Variants in DEPDC5 observed in about 807,000 individuals in gnomAD.
DEPDC5 encodes the protein GATOR1 complex protein DEPDC5.
A neutral mutation model predicts 217.3 loss-of-function variants in DEPDC5; 73 were observed. The ratio of observed to expected loss-of-function variants is 0.34; its 90% CI spans 0.28 to 0.41. DEPDC5 has a LOEUF of 0.41. DEPDC5 is among the 10% of genes least tolerant of loss of function. The pLI is 1.00. For missense variants in DEPDC5, 1,675 were observed against 2,070.1 expected (o/e 0.81, Z 3.70); for synonymous variants, 733 against 756.7 (o/e 0.97, Z 0.51).
At chr22:31,835,659 CT>C (rs1452502932) in intron 25 of DEPDC5, among the ~76,000 whole-genome samples, 1 of 152,190 alleles carries the variant, frequency 6.6e-6, no homozygotes, top group Non-Finnish European at 1.5e-5. Context: ...TCCTCATCTT[CT>C]GTTTTAGCCA....
intron 31 of DEPDC5, among the ~76,000 whole-genome samples, chr22:31,847,548 CAAA>C (rs2091811788): frequency 6.6e-6 from 1 of 152,126 alleles, no homozygotes. Context: ...ATGGCAGCAG[CAAA>C]AAGTGCAGAG....
intron 14 of DEPDC5, among the ~76,000 whole-genome samples, chr22:31,798,875 A>G (rs1408896255): frequency 6.6e-6 from 1 of 152,186 alleles, no homozygotes; most frequent in African/African-American, 2.4e-5. Flanking sequence ...TCCCGAAAGC[A>G]AGAGGAGGAA....
At chr22:31,808,673 T>G (rs1602035875) in intron 18 of DEPDC5, among the ~76,000 whole-genome samples, 1 of 151,734 alleles carries the variant, frequency 6.6e-6, no homozygotes, top group East Asian at 1.9e-4. Context: ...TGACCTCAGG[T>G]GATCCATCTT....
intron 2 of DEPDC5, 55 bp from the exon 3 acceptor site, chr22:31,758,491 A>G (rs2082118244): frequency 2.0e-6 from 3 of 1,511,040 alleles, no homozygotes; most frequent in Admixed American, 1.7e-5. Flanking sequence ...GTATGAGAAC[A>G]TACAGTGTAC....
At chr22:31,760,867 A>G (rs1234408898) in intron 4 of DEPDC5, among the ~76,000 whole-genome samples, 165 bp downstream of exon 4, 7 of 152,126 alleles carry the variant, frequency 4.6e-5, no homozygotes, top group African/African-American at 1.2e-4. Context: ...TGTTTGTTAC[A>G]TGGGTATATT....
rs763484031 is a variant in DEPDC5, at chr22:31,821,579, G to T, written c.1948G>T (p.Asp650Tyr). 6.2e-7 allele frequency: 1 copy of T among 1,614,234 alleles called. No homozygotes were observed. Among genetic ancestry groups the T allele is most frequent in the Non-Finnish European group, 8.5e-7 (1 of 1,180,032 alleles). ...GGAGCTACAAGGCAGCGGGCAGAGG[G>T]ATCCAACTCACTCCTCTGCAGAGCT... ...MAELQGSGQR[D>Y]PTHSSAELLE... Residue 650 changes from aspartate to tyrosine, a missense_variant, in exon 23 of 43, where the codon GAT (aspartate) becomes TAT (tyrosine). This residue lies in a region of DEPDC5 where 136 missense variants were observed against 132.2 expected (regional missense o/e 1.03). Coordinates refer to ENST00000651528, the MANE Select transcript of DEPDC5 (RefSeq NM_001242896.3).
chr22:31,854,971 T>C (rs1295055865), intron 31 of DEPDC5, among the ~76,000 whole-genome samples: 15 of 151,884 alleles, frequency 9.9e-5, no homozygotes, highest in East Asian at 1.9e-4. Flanking sequence ...TTTTTTTTTT[T>C]TTTCTTTTTT....
chr22:31,797,060 CTTT>C (rs113613358), intron 12 of DEPDC5, among the ~76,000 whole-genome samples: 1 of 129,172 alleles, frequency 7.7e-6, no homozygotes, highest in Non-Finnish European at 1.7e-5. Context: ...CTCACTGAAT[CTTT>C]TTTTTTTTTG....
At chr22:31,807,661 A>C (rs1223915518) in intron 18 of DEPDC5, among the ~76,000 whole-genome samples, 1 of 152,098 alleles carries the variant, frequency 6.6e-6, no homozygotes, top group Non-Finnish European at 1.5e-5. Flanking sequence ...CAAACTCTTG[A>C]TTTCAAGTGA....
rs2091062102 is a variant in DEPDC5, at chr22:31,837,107, A to T, written c.2306A>T (p.Asp769Val). The part of the protein sequence containing the change: ...YFPDRQGLQN[D>V]YTEGCYDLLP... ...CCTGACCGCCAGGGCCTGCAGAATG[A>T]CTACACAGAGGGCTGTTATGATCTC... The change falls in exon 26 of 43, where the codon GAC becomes GTC. Residue 769 changes from aspartate to valine, a missense_variant. Asp to Val is a radical substitution (Grantham distance 152, BLOSUM62 -3). Coordinates refer to ENST00000651528, the MANE Select transcript of DEPDC5 (RefSeq NM_001242896.3). 6.2e-7 allele frequency: 1 copy of T among 1,614,114 alleles called. No individual in the cohort carries two copies. Among genetic ancestry groups the T allele is most frequent in the Non-Finnish European group, 8.5e-7 (1 of 1,180,014 alleles).
At chr22:31,901,852 T>C (rs1394927426) in intron 41 of DEPDC5, 50 bp downstream of exon 41, 3 of 1,562,822 alleles carry the variant, frequency 1.9e-6, no homozygotes, top group African/African-American at 1.4e-5. Flanking sequence ...AGTGTTTATC[T>C]TGAATAGCAG....
In DEPDC5 at chr22:31,906,293, G is replaced by C; in HGVS notation, c.4608G>C (p.Gln1536His). 2 of 1,613,980 alleles carry C rather than the reference G, an allele frequency of 1.2e-6. No homozygotes were observed. The highest frequency in any genetic ancestry group is 1.7e-6 in the Non-Finnish European group (2 of 1,179,930). The change falls in exon 43 of 43, where the codon CAG becomes CAC. Residue 1536 changes from glutamine to histidine, a missense_variant. Gln to His is a conservative substitution (Grantham distance 24). This residue lies in a region of DEPDC5 where 42 missense variants were observed against 27.7 expected (regional missense o/e 1.51). Coordinates refer to ENST00000651528, the MANE Select transcript of DEPDC5 (RefSeq NM_001242896.3). The surrounding 1 kb of genome is among the most constrained non-coding windows in gnomAD (Gnocchi z 5.1). ...RRRNSTSSTN[Q>H]NMFCEERVGY... ...GGAACTCCACCAGCTCCACCAACCAGAACATGTTCTGCGAGGAGCGGGTCG... is the reference window on the plus strand; with the variant it reads ...GGAACTCCACCAGCTCCACCAACCACAACATGTTCTGCGAGGAGCGGGTCG...
chr22:31,817,387 G>A (rs535835035), intron 21 of DEPDC5: 5 of 404,170 alleles, frequency 1.2e-5, no homozygotes, highest in South Asian at 1.0e-4. Context: ...TGGGATTACG[G>A]GCGTGAGCCA....
chr22:31,775,097 T>G (rs1167302811), intron 7 of DEPDC5, among the ~76,000 whole-genome samples: 3 of 152,134 alleles, frequency 2.0e-5, no homozygotes, highest in Admixed American at 6.6e-5. Context: ...AGGGATTGAT[T>G]GATTGTCCAG....
At chr22:31,773,542 A>G (rs1024825933) in intron 7 of DEPDC5, among the ~76,000 whole-genome samples, 1 of 152,170 alleles carries the variant, frequency 6.6e-6, no homozygotes, top group African/African-American at 2.4e-5. Context: ...TATTTTGCTC[A>G]GGCTTGGTTA....
At chr22:31,777,264 GT>G (rs371773869) in intron 7 of DEPDC5, among the ~76,000 whole-genome samples, 159 of 117,798 alleles carry the variant, frequency 1.3e-3, no homozygotes, top group Middle Eastern at 5.7e-3. Flanking sequence ...CTGGCCCTAA[GT>G]TTTTTTTTTT....
intron 41 of DEPDC5, among the ~76,000 whole-genome samples, chr22:31,905,394 C>T (rs2149444732): frequency 6.6e-6 from 1 of 151,244 alleles, no homozygotes; most frequent in East Asian, 2.0e-4. Context: ...CGGAGAATCA[C>T]TTGAACCCAG....
chr22:31,857,961 A>G (rs2092367651), intron 32 of DEPDC5: 1 of 154,660 alleles, frequency 6.5e-6, no homozygotes, highest in Non-Finnish European at 1.4e-5. Flanking sequence ...GGCTGAGGTG[A>G]GGGGATCCCT....
At position 31,764,857 on chromosome 22, in the gene DEPDC5, G is replaced by A. The variant is rs2082681491; in HGVS notation, c.194-118G>A. On this transcript the variant is annotated intron_variant, in intron 4 of 42. Coordinates refer to ENST00000651528, the MANE Select transcript of DEPDC5 (RefSeq NM_001242896.3). The stretch of plus-strand genomic sequence containing the variant: ...AGCTCCTGAAAGGAAGAGACTGTGT[G>A]TTGCCCGTGTCAGATGATCAATTGT... The A allele has an allele frequency of 1.0e-5, 7 of 699,482 alleles. No homozygotes were observed. In the South Asian group the frequency reaches 1.1e-4, roughly 11 times the overall value. The allele number at this position is 699,482 out of a possible 1,614,324, so 43.3% of individuals were successfully genotyped here. A position where few individuals can be genotyped will look rare whatever the true frequency, so the allele number is the denominator to read the frequency against.
Sources: gnomAD v4.1 joint callset for allele counts (sites outside exome capture counted in the v4.1 genomes callset) on GRCh38, gnomAD v4.1.1 for gene constraint, gnomAD v4.1.1 regional missense constraint, Gnocchi (gnomAD v3.1) non-coding constraint, MANE v1.5 for transcripts, NCBI Gene and HGNC (gene_info 2026-07-23, HGNC 2026-07-21) for gene names.